Variants in PDE4D observed in about 807,000 individuals in gnomAD.
PDE4D encodes the protein 3',5'-cyclic-AMP phosphodiesterase 4D.
A neutral mutation model predicts 87.4 loss-of-function variants in PDE4D; 24 were observed. The ratio of observed to expected loss-of-function variants is 0.27; its 90% CI spans 0.20 to 0.39. The LOEUF (loss-of-function observed/expected upper bound fraction) is 0.39, where lower values mean the gene tolerates loss of function less well. Among genes scored for constraint, PDE4D ranks in the 10% least tolerant of loss-of-function variants. The probability of loss-of-function intolerance (pLI) is 1.00; values close to 1 mark genes in which losing one functional copy is unlikely to be tolerated. For synonymous variants in PDE4D, 384 were observed against 383.2 expected (o/e 1.00, Z -0.02); for missense variants, 714 against 1,041.0 (o/e 0.69, Z 4.32).
chr5:60,298,404 T>G (rs185770884), intron 1 of PDE4D, among the ~76,000 whole-genome samples: 1 of 152,334 alleles, frequency 6.6e-6, no homozygotes, highest in African/African-American at 2.4e-5. Flanking sequence ...TTCAAATGAA[T>G]GTATTCCTCT....
At chr5:60,357,014 G>C (rs528153381) in intron 1 of PDE4D, among the ~76,000 whole-genome samples, 12 of 151,998 alleles carry the variant, frequency 7.9e-5, no homozygotes, top group African/African-American at 2.7e-4. Flanking sequence ...TTACAGGTTA[G>C]GGAAAAAATG....
At chr5:59,799,855 A>T (rs1766914390) in intron 1 of PDE4D, among the ~76,000 whole-genome samples, 1 of 152,228 alleles carries the variant, frequency 6.6e-6, no homozygotes, top group Non-Finnish European at 1.5e-5. Flanking sequence ...TTCGAGATAC[A>T]AATCTTCAAT....
At chr5:59,285,518 A>T (rs1766758640) in intron 1 of PDE4D, among the ~76,000 whole-genome samples, 1 of 152,056 alleles carries the variant, frequency 6.6e-6, no homozygotes, top group Non-Finnish European at 1.5e-5. Context: ...TATAATTAAA[A>T]AAAAAATTCT....
chr5:59,507,330 T>C (rs1809438381), intron 1 of PDE4D, among the ~76,000 whole-genome samples: 2 of 151,554 alleles, frequency 1.3e-5, no homozygotes, highest in Non-Finnish European at 2.9e-5. Context: ...GAACTCTTTC[T>C]CAAACAAAAC....
chr5:60,166,831 C>A (rs1198475848), intron 2 of PDE4D, among the ~76,000 whole-genome samples: 2 of 152,066 alleles, frequency 1.3e-5, no homozygotes, highest in Non-Finnish European at 2.9e-5. Flanking sequence ...GCATTCTTGG[C>A]TGGCATTTTT....
chr5:59,574,604 T>C (rs1822815243), intron 1 of PDE4D, among the ~76,000 whole-genome samples: 4 of 152,186 alleles, frequency 2.6e-5, no homozygotes, highest in Admixed American at 2.0e-4. Context: ...ATTGTACTAC[T>C]GGTTAAGAGA....
At chr5:60,261,816 T>C (rs1749674535) in intron 1 of PDE4D, among the ~76,000 whole-genome samples, 1 of 152,142 alleles carries the variant, frequency 6.6e-6, no homozygotes, top group Admixed American at 6.6e-5. Flanking sequence ...GGGCCACAAG[T>C]GTGCATGAAA....
At chr5:59,931,732 C>T (rs1755960205) in intron 3 of PDE4D, among the ~76,000 whole-genome samples, 1 of 128,856 alleles carries the variant, frequency 7.8e-6, no homozygotes, top group Non-Finnish European at 1.6e-5. Context: ...GACGGAGTCT[C>T]ACTCTGTCGC....
chr5:59,083,123 T>G (rs1424976810), intron 5 of PDE4D, among the ~76,000 whole-genome samples: 1 of 152,152 alleles, frequency 6.6e-6, no homozygotes, highest in East Asian at 1.9e-4. Context: ...TCTTAACACT[T>G]GATAGTTTGA....
In PDE4D at chr5:59,924,417, C is replaced by G. The variant is rs1265747982; in HGVS notation, c.272+64071G>C. Among the ~76,000 whole-genome samples, 4 of 152,088 alleles carry G rather than the reference C, an allele frequency of 2.6e-5. No individual in the cohort carries two copies. In the East Asian group the frequency reaches 7.7e-4, roughly 29 times the overall value. ...CCAAGCAGATTTAACCCAAAGAAGA[C>G]TACCTCAAGGCATTTAATAATCAAA... is the stretch of plus-strand genomic sequence containing the variant. On this transcript the variant is annotated intron_variant, in intron 3 of 16. Coordinates refer to the PDE4D transcript ENST00000502484.
chr5:59,956,173 G>A (rs1581901449), intron 3 of PDE4D, among the ~76,000 whole-genome samples: 1 of 152,150 alleles, frequency 6.6e-6, no homozygotes, highest in African/African-American at 2.4e-5. Context: ...AATAAAGCAG[G>A]TGGTCACATC....
At chr5:59,766,017 T>G (rs2152579430) in intron 1 of PDE4D, among the ~76,000 whole-genome samples, 1 of 151,380 alleles carries the variant, frequency 6.6e-6, no homozygotes, top group African/African-American at 2.4e-5. Flanking sequence ...AGCAGGAAAC[T>G]GTGAGGCAGA....
intron 1 of PDE4D, among the ~76,000 whole-genome samples, chr5:59,341,025 T>A (rs528708496): frequency 2.2e-4 from 34 of 152,340 alleles, no homozygotes; most frequent in African/African-American, 7.5e-4. Context: ...GTAATCATTA[T>A]GAAAATTACA....
At chr5:59,553,867 C>T (rs894472311) in intron 1 of PDE4D, among the ~76,000 whole-genome samples, 3 of 152,070 alleles carry the variant, frequency 2.0e-5, no homozygotes, top group Non-Finnish European at 4.4e-5. Flanking sequence ...ATAATTGAAC[C>T]TTCCCTCTAG....
At chr5:59,453,134 G>C (rs1180632056) in intron 1 of PDE4D, among the ~76,000 whole-genome samples, 1 of 152,050 alleles carries the variant, frequency 6.6e-6, no homozygotes, top group East Asian at 1.9e-4. Flanking sequence ...TGTAATTGCT[G>C]ATTGTTGATG....
rs1293451884 is a variant in PDE4D, at chr5:58,989,768, G to A, written c.1439C>T (p.Thr480Ile). The A allele has an allele frequency of 6.2e-7, 1 of 1,601,840 alleles. No homozygotes were observed. Among genetic ancestry groups the A allele is most frequent in the Non-Finnish European group, 8.5e-7 (1 of 1,175,386 alleles). ...VVQSTHVLLSTPALEAVFTDL... is the reference protein window; with the variant it reads ...VVQSTHVLLSIPALEAVFTDL... ...AAACAGATTTACCTCCAAAGCAGGT[G>A]TAGATAATAGCACATGAGTAGACTG... The change falls in exon 10 of 15, where the codon ACA becomes ATA. Residue 480 changes from threonine (T) to isoleucine (I), a missense_variant. Transcript: ENST00000340635.
chr5:60,425,562 C>T (rs1246427195), intron 1 of PDE4D, among the ~76,000 whole-genome samples: 1 of 138,140 alleles, frequency 7.2e-6, no homozygotes, highest in African/African-American at 3.0e-5. Flanking sequence ...AAATGTTAGA[C>T]ATAAAACCAT....
At chr5:59,938,974 C>T (rs1416684859) in intron 3 of PDE4D, among the ~76,000 whole-genome samples, 1 of 152,146 alleles carries the variant, frequency 6.6e-6, no homozygotes, top group South Asian at 2.1e-4. Flanking sequence ...CTAGTTATGG[C>T]CAATGGATTG....
chr5:60,074,208 G>A (rs529718239), intron 2 of PDE4D, among the ~76,000 whole-genome samples: 1 of 152,128 alleles, frequency 6.6e-6, no homozygotes, highest in Admixed American at 6.6e-5. Context: ...GTGTCCCAGA[G>A]ATTCTGGTAT....
Sources: gnomAD v4.1 joint callset for allele counts (sites outside exome capture counted in the v4.1 genomes callset) on GRCh38, gnomAD v4.1.1 for gene constraint, MANE v1.5 for transcripts, NCBI Gene and HGNC (gene_info 2026-07-23, HGNC 2026-07-21) for gene names.